HMGCS2: variants seen among roughly 807,000 people sequenced by gnomAD.
The protein encoded by HMGCS2 is hydroxymethylglutaryl-CoA synthase, mitochondrial.
HMGCS2 carries 50 observed loss-of-function variants against 57.4 expected under a neutral mutation model. That is an observed-to-expected ratio of 0.87 (90% CI 0.69 to 1.10). The LOEUF (loss-of-function observed/expected upper bound fraction) is 1.10. Ranked by LOEUF, HMGCS2 falls within the 50% of genes least tolerant of loss-of-function variation. The pLI, the probability that HMGCS2 is intolerant of heterozygous loss-of-function variation, is 0.00. For synonymous variants in HMGCS2, 254 were observed against 245.1 expected (o/e 1.04, Z -0.34); for missense variants, 627 against 636.5 (o/e 0.99, Z 0.16).
At chr1:119,767,252 T>G (rs1312025249) in intron 1 of HMGCS2, among the ~76,000 whole-genome samples, 2 of 152,108 alleles carry the variant, frequency 1.3e-5, no homozygotes, top group African/African-American at 4.8e-5. Context: ...GTGAGCAAAA[T>G]CTACAGGAGT....
intron 3 of HMGCS2, 54 bp from the exon 4 acceptor site, chr1:119,759,336 C>G: frequency 1.3e-6 from 2 of 1,555,898 alleles, no homozygotes. Context: ...CTACCTTGAG[C>G]ACAAAAGATG....
At chr1:119,764,739 CA>C in intron 1 of HMGCS2, 113 bp from the exon 2 acceptor site, 1 of 803,552 alleles carries the variant, frequency 1.2e-6, no homozygotes, top group South Asian at 1.5e-5. Context: ...GCTATGTTAT[CA>C]GATGACTACA....
rs1380312324 is a variant in HMGCS2 at position 119,755,533 on chromosome 1, G to A, written c.1081C>T (p.Gln361Ter). 1.9e-6 allele frequency: 3 copies of A among 1,614,076 alleles called. No homozygotes were observed. The highest frequency in any genetic ancestry group is 1.7e-5 in the Admixed American group (1 of 60,020). The change falls in exon 6 of 10, where the codon CAG (glutamine) becomes TAG (stop). Residue 361 changes from glutamine to a stop codon, truncating the protein, a stop_gained. Coordinates refer to ENST00000369406, the MANE Select transcript of HMGCS2 (RefSeq NM_005518.4). LOFTEE classifies it high-confidence loss of function. Reference sequence around the variant, plus strand: ...TTGGTTTTCTTGTCGAACATGTCCTGAGAGGCCTTTAGAAGTGCTTTATCC... The same window carrying A: ...TTGGTTTTCTTGTCGAACATGTCCTAAGAGGCCTTTAGAAGTGCTTTATCC... ...DLDKALLKAS[Q>*]DMFDKKTKAS...
chr1:119,765,707 T>C (rs1653203428), intron 1 of HMGCS2, among the ~76,000 whole-genome samples: 1 of 152,246 alleles, frequency 6.6e-6, no homozygotes, highest in Non-Finnish European at 1.5e-5. Context: ...AGGGCATAAT[T>C]ATACAATCTT....
chr1:119,753,440 CACACACAT>C (rs1213956290), intron 6 of HMGCS2, 54 bp from the exon 7 acceptor site: 7 of 812,520 alleles, frequency 8.6e-6, no homozygotes, highest in East Asian at 5.2e-5. Flanking sequence ...CACACACACA[CACACACAT>C]ATATGTATAT....
At chr1:119,757,107 A>G (rs1237642040) in intron 5 of HMGCS2, among the ~76,000 whole-genome samples, 166 bp downstream of exon 5, 3 of 152,098 alleles carry the variant, frequency 2.0e-5, no homozygotes. Context: ...CCCTACCCAG[A>G]CAATAACCCA....
intron 4 of HMGCS2, 78 bp downstream of exon 4, chr1:119,759,040 A>C: frequency 2.2e-6 from 3 of 1,346,344 alleles, no homozygotes; most frequent in Non-Finnish European, 3.2e-6. Context: ...GAGAGAAAAG[A>C]CCATCTCATG....
intron 2 of HMGCS2, 75 bp from the exon 3 acceptor site, chr1:119,760,064 C>A: frequency 3.6e-6 from 5 of 1,381,454 alleles, no homozygotes; most frequent in Non-Finnish European, 5.1e-6. Flanking sequence ...GTGTACCAGG[C>A]ACAATTCTAG....
At chr1:119,756,086 C>T (rs1170638190) in intron 5 of HMGCS2, among the ~76,000 whole-genome samples, 1 of 152,126 alleles carries the variant, frequency 6.6e-6, no homozygotes, top group East Asian at 1.9e-4. Context: ...AAAGTTTGCA[C>T]ATCTTTAAGG....
chr1:119,755,922 A>G (rs1421470578), intron 5 of HMGCS2, among the ~76,000 whole-genome samples: 3 of 151,770 alleles, frequency 2.0e-5, no homozygotes, highest in Non-Finnish European at 4.4e-5. Context: ...TTTTTTTTCC[A>G]TGACATTCTA....
chr1:119,764,511 C>G lies in HMGCS2; in HGVS notation c.220G>C (p.Glu74Gln). 1.2e-6 allele frequency: 2 copies of G among 1,613,660 alleles called. No individual in the cohort carries two copies. Among genetic ancestry groups the G allele is most frequent in the Non-Finnish European group, 1.7e-6 (2 of 1,179,618 alleles). Residue 74 changes from glutamate to glutamine, a missense_variant, in exon 2 of 10, where the codon GAG (glutamate) becomes CAG (glutamine). By Grantham distance (29) the Glu-to-Gln change is conservative. Coordinates refer to ENST00000369406, the MANE Select transcript of HMGCS2 (RefSeq NM_005518.4). ...CCTGCTTCCACATTGTTATACTTCTCCAGGTCAGTTTGGTCCACATATTGG... is the reference window on the plus strand; with the variant it reads ...CCTGCTTCCACATTGTTATACTTCTGCAGGTCAGTTTGGTCCACATATTGG... ...PAQYVDQTDL[E>Q]KYNNVEAGKY...
At chr1:119,757,464 G>A in intron 4 of HMGCS2, 26 bp from the exon 5 acceptor site, 1 of 1,614,094 alleles carries the variant, frequency 6.2e-7, no homozygotes, top group African/African-American at 1.3e-5. Context: ...TGAAGGCAAG[G>A]ATGGGGCATG....
At chr1:119,754,062 T>C (rs1652752525) in intron 6 of HMGCS2, among the ~76,000 whole-genome samples, 1 of 151,008 alleles carries the variant, frequency 6.6e-6, no homozygotes, top group South Asian at 2.1e-4. Context: ...CAGCTAATTT[T>C]TTTTTTTTTT....
At chr1:119,750,637 T>TA (rs1652623515) in intron 9 of HMGCS2, among the ~76,000 whole-genome samples, 160 bp downstream of exon 9, 1 of 152,010 alleles carries the variant, frequency 6.6e-6, no homozygotes, top group Admixed American at 6.6e-5. Context: ...CTTTTCCTTT[T>TA]AAAAATTCCA....
chr1:119,761,150 T>C (rs1427905422), intron 2 of HMGCS2, among the ~76,000 whole-genome samples: 2 of 147,944 alleles, frequency 1.4e-5, no homozygotes, highest in East Asian at 3.9e-4. Flanking sequence ...TTAGTATATA[T>C]AAATATATTA....
In HMGCS2 at chr1:119,748,569, C is replaced by G. The variant is rs1049951208; in HGVS notation, c.*278G>C. 1 of 152,172 alleles carries G rather than the reference C, an allele frequency of 6.6e-6. No individual in the cohort carries two copies. Among genetic ancestry groups the G allele is most frequent in the African/African-American group, 2.4e-5 (1 of 41,410 alleles). 9.4% of individuals were successfully genotyped at this position (152,172 alleles called of 1,614,324 possible). Reference sequence around the variant, plus strand: ...TGCACATTTCTGGAGTCCAGTGATTCAGGAAGAGGTCTTCTCTCCATTGCT... The same window carrying G: ...TGCACATTTCTGGAGTCCAGTGATTGAGGAAGAGGTCTTCTCTCCATTGCT... On this transcript the variant is annotated 3_prime_UTR_variant, in exon 10 of 10. Transcript: ENST00000369406.
At chr1:119,767,336 C>G (rs755353223) in intron 1 of HMGCS2, among the ~76,000 whole-genome samples, 4 of 152,108 alleles carry the variant, frequency 2.6e-5, no homozygotes, top group Non-Finnish European at 5.9e-5. Context: ...TTGAGGCAAA[C>G]CTTGATGGAT....
chr1:119,753,910 C>A (rs1652746219), intron 6 of HMGCS2, among the ~76,000 whole-genome samples: 1 of 151,298 alleles, frequency 6.6e-6, no homozygotes, highest in South Asian at 2.1e-4. Context: ...GAGTCTTGCT[C>A]TGTTGCCCAG....
chr1:119,764,756 A>G, intron 1 of HMGCS2, 130 bp from the exon 2 acceptor site: 1 of 734,770 alleles, frequency 1.4e-6, no homozygotes, highest in Non-Finnish European at 2.4e-6. Context: ...CTACAAATTT[A>G]GTATTGTTAT....
Sources: gnomAD v4.1 joint callset for allele counts (sites outside exome capture counted in the v4.1 genomes callset) on GRCh38, gnomAD v4.1.1 for gene constraint, MANE v1.5 for transcripts, NCBI Gene and HGNC (gene_info 2026-07-23, HGNC 2026-07-21) for gene names.